Variants in SLC44A4 observed in about 807,000 individuals in gnomAD.
SLC44A4 encodes solute carrier family 44 member 4.
Under a neutral mutation model 97.0 loss-of-function variants are expected in SLC44A4, and 74 were observed. The observed-to-expected ratio is 0.76, with a 90% CI of 0.63 to 0.93. The LOEUF (loss-of-function observed/expected upper bound fraction) is 0.93. Ranked by LOEUF, SLC44A4 falls within the 40% of genes least tolerant of loss-of-function variation. The pLI is 0.00. For synonymous variants in SLC44A4, 325 were observed against 363.8 expected (o/e 0.89, Z 1.21); for missense variants, 799 against 902.9 (o/e 0.88, Z 1.48).
intron 7 of SLC44A4, 81 bp from the exon 8 acceptor site, chr6:31,871,642 G>A: frequency 1.9e-6 from 2 of 1,060,130 alleles, no homozygotes; most frequent in South Asian, 1.3e-5. Context: ...AGTCCACAGT[G>A]CCCTTAGGGG....
chr6:31,877,185 G>C lies in SLC44A4; in HGVS notation c.41-103C>G. 8.3e-7 allele frequency: 1 copy of C among 1,206,996 alleles called. No individual in the cohort carries two copies. Among genetic ancestry groups the C allele is most frequent in the Non-Finnish European group, 1.2e-6 (1 of 843,732 alleles). The allele number at this position is 1,206,996 out of a possible 1,614,324, so 74.8% of individuals were successfully genotyped here. On this transcript the variant is annotated intron_variant, in intron 1 of 20. Coordinates refer to ENST00000229729, the MANE Select transcript of SLC44A4 (RefSeq NM_025257.3). This position sits in a 1 kb window ranked among gnomAD's most constrained non-coding sequence, Gnocchi z 6.5. The stretch of plus-strand genomic sequence containing the variant: ...GATCCTACCCAGGCCTCAGGTGTTT[G>C]GAGGGAGATGGGCTAGGGCAGGACT...
chr6:31,864,894 A>G lies in SLC44A4; in HGVS notation c.1848T>C (p.Phe616=). Residue 616 remains phenylalanine, a synonymous_variant, in exon 19 of 21, where the codon TTT becomes TTC. Transcript: ENST00000229729. The stretch of plus-strand genomic sequence containing the variant: ...GCCCCGGGATGCGACCGGAGAAAAA[A>G]AAGAAGGACAGGACCCCTGTGGAAT... The part of the protein sequence containing the change: ...VVGGVGVLSF[F]FFSGRIPGLG... The G allele has an allele frequency of 6.2e-7, 1 of 1,614,014 alleles. No homozygotes were observed. The highest frequency in any genetic ancestry group is 8.5e-7 in the Non-Finnish European group (1 of 1,179,978).
rs769843152 is a variant in SLC44A4, at chr6:31,865,301, G to A, written c.1760+14C>T. ...AGAGGAGGGAGCCACAAAGCGGGGG[G>A]GGAGCAGCCTAACCTGACAATGTTT... is the stretch of plus-strand genomic sequence containing the variant. On this transcript the variant is annotated intron_variant, in intron 17 of 20. Transcript: ENST00000229729. This position sits in a 1 kb window ranked among gnomAD's most constrained non-coding sequence, Gnocchi z 5.2. 9.3e-6 allele frequency: 15 copies of A among 1,613,822 alleles called. No individual in the cohort carries two copies. In the African/African-American group the frequency reaches 1.6e-4, roughly 17 times the overall value.
intron 18 of SLC44A4, 43 bp from the exon 19 acceptor site, chr6:31,864,953 A>G: frequency 6.2e-7 from 1 of 1,613,512 alleles, no homozygotes; most frequent in South Asian, 1.1e-5. Flanking sequence ...CTCTGAGGCC[A>G]CCTCTTCAGC....
At position 31,863,727 on chromosome 6, in the gene SLC44A4, T is replaced by G; in HGVS notation, c.2033A>C (p.Asn678Thr). The G allele has an allele frequency of 6.2e-7, 1 of 1,612,792 alleles. No individual in the cohort carries two copies. The highest frequency in any genetic ancestry group is 8.5e-7 in the Non-Finnish European group (1 of 1,179,956). The change falls in exon 21 of 21, where the codon AAC becomes ACC. Residue 678 changes from asparagine to threonine, a missense_variant. Asn to Thr is a moderately conservative substitution (Grantham distance 65, BLOSUM62 0). This residue lies in a region of SLC44A4 where 379 missense variants were observed against 438.3 expected (regional missense o/e 0.86). Transcript: ENST00000229729. ...LCFLEDLERN[N>T]GSLDRPYYMS... ...GTAGTAGGGCCGGTCCAGGGAGCCG[T>G]TGTTCCGCTCCAGGTCTTCCACTGA... is the stretch of plus-strand genomic sequence containing the variant.
At chr6:31,867,857 G>A (rs1243714372) in intron 13 of SLC44A4, among the ~76,000 whole-genome samples, 3 of 129,020 alleles carry the variant, frequency 2.3e-5, no homozygotes, top group Admixed American at 9.0e-5. Context: ...GAGTCTCGCC[G>A]CCCAGGCTGC....
At chr6:31,872,931 G>T (rs942169295) in intron 7 of SLC44A4, among the ~76,000 whole-genome samples, 3 of 151,824 alleles carry the variant, frequency 2.0e-5, no homozygotes, top group African/African-American at 7.3e-5. Context: ...AGGCTGGAGT[G>T]CAGTGGCACC....
chr6:31,869,915 G>A (rs1434327165), intron 11 of SLC44A4, among the ~76,000 whole-genome samples: 1 of 151,956 alleles, frequency 6.6e-6, no homozygotes, highest in Non-Finnish European at 1.5e-5. Flanking sequence ...AACCCGGGAG[G>A]CGGAGTTTGC....
In SLC44A4 at chr6:31,874,758, T is replaced by C. The variant is rs114957103; in HGVS notation, c.431A>G (p.Asn144Ser). 1,299 of 1,613,764 alleles carry C rather than the reference T, an allele frequency of 8.0e-4. 12 individuals carry two copies. In the Admixed American group the frequency reaches 0.014, roughly 18 times the overall value. The change falls in exon 6 of 21, where the codon AAC becomes AGC. Residue 144 changes from asparagine to serine, a missense_variant. Transcript: ENST00000229729. This position sits in a 1 kb window ranked among gnomAD's most constrained non-coding sequence, Gnocchi z 4.8. ...TACCCCTGGCAGACAAAAGTTCCTG[T>C]TTTTTGTATAGAAGACTTCCCCAAC... ...QTVGEVFYTK[N>S]RNFCLPGVPW...
chr6:31,875,315 G>A (rs1228768822), intron 4 of SLC44A4, among the ~76,000 whole-genome samples: 1 of 152,176 alleles, frequency 6.6e-6, no homozygotes, highest in Non-Finnish European at 1.5e-5. Context: ...CCTGTTCTCG[G>A]TCTTAGTTCT....
In SLC44A4 at chr6:31,877,554, C is replaced by T. The variant is rs1165717094; in HGVS notation, c.41-472G>A. ...CCTCTTCCCCTATCTGCCCCAGGCC[C>T]TACCTTACCCTCTGGTTCAAGGCTA... is the stretch of plus-strand genomic sequence containing the variant. On this transcript the variant is annotated intron_variant, in intron 1 of 20. Transcript: ENST00000229729. The surrounding 1 kb of genome is among the most constrained non-coding windows in gnomAD (Gnocchi z 6.5). 1.0e-6 allele frequency: 1 copy of T among 989,436 alleles called. No homozygotes were observed. The highest frequency in any genetic ancestry group is 1.2e-6 in the Non-Finnish European group (1 of 830,854). 61.3% of individuals were successfully genotyped at this position (989,436 alleles called of 1,614,324 possible). A position where few individuals can be genotyped will look rare whatever the true frequency, so the allele number is the denominator to read the frequency against.
chr6:31,871,229 C>G, intron 9 of SLC44A4, 85 bp downstream of exon 9: 1 of 1,417,060 alleles, frequency 7.1e-7, no homozygotes, highest in Non-Finnish European at 1.0e-6. Context: ...TGTCCAAAGC[C>G]TGTGTTTCAG....
chr6:31,870,811 C>T lies in SLC44A4; in HGVS notation c.937+1G>A, dbSNP rs147599445. 329 of 1,613,014 alleles carry T rather than the reference C, an allele frequency of 2.0e-4. No homozygotes were observed. In the African/African-American group the frequency reaches 3.7e-3, roughly 18 times the overall value. ...GGCTTGGGGGTGGGCAGGACACTCA[C>T]GGGCGGCCAGCCAGGTCTCCTGCAC... On this transcript the variant is annotated splice_donor_variant, in intron 10 of 20. Coordinates refer to ENST00000229729, the MANE Select transcript of SLC44A4 (RefSeq NM_025257.3). LOFTEE classifies it high-confidence loss of function.
Position 31,876,974 on chromosome 6 carries a change from C to G in SLC44A4, c.89+60G>C. The G allele has an allele frequency of 6.7e-7, 1 of 1,488,362 alleles. No homozygotes were observed. The highest frequency in any genetic ancestry group is 9.1e-7 in the Non-Finnish European group (1 of 1,095,504). 92.2% of individuals were successfully genotyped at this position (1,488,362 alleles called of 1,614,324 possible). A position where few individuals can be genotyped will look rare whatever the true frequency, so the allele number is the denominator to read the frequency against. ...TATTTTAGCAAATACAAAGCAAATA[C>G]TGGATTCCACACTGCACCCACCACC... On this transcript the variant is annotated intron_variant, in intron 2 of 20. Coordinates refer to ENST00000229729, the MANE Select transcript of SLC44A4 (RefSeq NM_025257.3). The surrounding 1 kb of genome is among the most constrained non-coding windows in gnomAD (Gnocchi z 4.8).
In SLC44A4 at chr6:31,871,717, C is replaced by T. The variant is rs3132442; in HGVS notation, c.530-156G>A. Reference sequence around the variant, plus strand: ...TTTTGATTTCACAAATGGGCTTCTGCCCTGTGGAGCCCAGTCTATCCCCTG... The same window carrying T: ...TTTTGATTTCACAAATGGGCTTCTGTCCTGTGGAGCCCAGTCTATCCCCTG... On this transcript the variant is annotated intron_variant, in intron 7 of 20. Transcript: ENST00000229729. 0.59 allele frequency among the ~76,000 whole-genome samples: 89,443 copies of T among 151,794 alleles called. 26,978 individuals are homozygous for T. Among genetic ancestry groups the T allele is most frequent in the Middle Eastern group, 0.74 (219 of 294 alleles).
rs1763437043 is a variant in SLC44A4 at position 31,876,194 on chromosome 6, G to C, written c.90-65C>G. 4 of 1,367,056 alleles carry C rather than the reference G, an allele frequency of 2.9e-6. No individual in the cohort carries two copies. The highest frequency in any genetic ancestry group is 4.1e-6 in the Non-Finnish European group (4 of 977,892). 84.7% of individuals were successfully genotyped at this position (1,367,056 alleles called of 1,614,324 possible). A position where few individuals can be genotyped will look rare whatever the true frequency, so the allele number is the denominator to read the frequency against. On this transcript the variant is annotated intron_variant, in intron 2 of 20. Coordinates refer to ENST00000229729, the MANE Select transcript of SLC44A4 (RefSeq NM_025257.3). This position sits in a 1 kb window ranked among gnomAD's most constrained non-coding sequence, Gnocchi z 4.8. The stretch of plus-strand genomic sequence containing the variant: ...TTGGGGAGGTAGGGCTTATGGTCTG[G>C]AGGGGTTAAGGGTTAGAGAGTTGGG...
In SLC44A4 at chr6:31,865,381, A is replaced by G. The variant is rs138964997; in HGVS notation, c.1694T>C (p.Ile565Thr). Residue 565 changes from isoleucine to threonine, a missense_variant, in exon 17 of 21, where the codon ATC becomes ACC. This residue lies in a region of SLC44A4 where 379 missense variants were observed against 438.3 expected (regional missense o/e 0.86). Coordinates refer to ENST00000229729, the MANE Select transcript of SLC44A4 (RefSeq NM_025257.3). This position sits in a 1 kb window ranked among gnomAD's most constrained non-coding sequence, Gnocchi z 5.2. ...LNRNAYIMIA[I>T]YGKNFCVSAK... ...TGAGACACAGAAATTCTTCCCGTAG[A>G]TGGCGATCTGAGGGAGGTGGAAAGG... 15 of 1,613,924 alleles carry G rather than the reference A, an allele frequency of 9.3e-6. No individual in the cohort carries two copies. Among genetic ancestry groups the G allele is most frequent in the Non-Finnish European group, 1.3e-5 (15 of 1,180,024 alleles).
Position 31,865,721 on chromosome 6 carries a change from G to C in SLC44A4, c.1551C>G (p.Val517=). 1 of 1,613,480 alleles carries C rather than the reference G, an allele frequency of 6.2e-7. No individual in the cohort carries two copies. Among genetic ancestry groups the C allele is most frequent in the South Asian group, 1.1e-5 (1 of 91,076 alleles). Residue 517 remains valine (V), a synonymous_variant, in exon 15 of 21, where the codon GTC becomes GTG. Coordinates refer to ENST00000229729, the MANE Select transcript of SLC44A4 (RefSeq NM_025257.3). This position sits in a 1 kb window ranked among gnomAD's most constrained non-coding sequence, Gnocchi z 5.2. ...LILTLVQIAR[V]ILEYIDHKLR... is the part of the protein sequence containing the mutation. ...GCTTGTGGTCAATATACTCCAAGAT[G>C]ACCCGGGCTATCTGCACAAGGGTCA...
At chr6:31,868,172 C>T (rs962663540) in intron 13 of SLC44A4, among the ~76,000 whole-genome samples, 3 of 152,186 alleles carry the variant, frequency 2.0e-5, no homozygotes, top group South Asian at 2.1e-4. Flanking sequence ...CTCATGTTCC[C>T]AGCTCAGACG....
Sources: gnomAD v4.1 joint callset for allele counts (sites outside exome capture counted in the v4.1 genomes callset) on GRCh38, gnomAD v4.1.1 for gene constraint, gnomAD v4.1.1 regional missense constraint, Gnocchi (gnomAD v3.1) non-coding constraint, MANE v1.5 for transcripts, NCBI Gene and HGNC (gene_info 2026-07-23, HGNC 2026-07-21) for gene names.